Variants in FUT8 observed in about 807,000 individuals in gnomAD.
The protein encoded by FUT8 is alpha-(1,6)-fucosyltransferase.
A neutral mutation model predicts 71.3 loss-of-function variants in FUT8; 29 were observed. That is an observed-to-expected ratio of 0.41 (90% CI 0.30 to 0.55). FUT8 has a LOEUF of 0.55. Ranked by LOEUF, FUT8 falls within the 20% of genes least tolerant of loss-of-function variation. FUT8 has a pLI of 0.34. For synonymous variants in FUT8, 254 were observed against 239.3 expected (o/e 1.06, Z -0.57); for missense variants, 544 against 702.1 (o/e 0.77, Z 2.55).
At chr14:65,599,441 T>C (rs1888182815) in intron 3 of FUT8, among the ~76,000 whole-genome samples, 1 of 152,202 alleles carries the variant, frequency 6.6e-6, no homozygotes, top group Admixed American at 6.5e-5. Context: ...ATTGATTTAT[T>C]TCTTGGTTTG....
intron 7 of FUT8, among the ~76,000 whole-genome samples, chr14:65,705,411 T>G (rs1894509097): frequency 6.6e-6 from 1 of 152,236 alleles, no homozygotes; most frequent in Non-Finnish European, 1.5e-5. Flanking sequence ...CATTTCTGTG[T>G]TCATTTTAAA....
At chr14:65,629,430 T>G (rs1890060307) in intron 5 of FUT8, 62 bp from the exon 6 acceptor site, 1 of 1,009,786 alleles carries the variant, frequency 9.9e-7, no homozygotes, top group Non-Finnish European at 1.5e-6. Context: ...TTCTTAAGAC[T>G]TTGTGTAATC....
At chr14:65,547,085 C>T (rs909920482) in intron 2 of FUT8, among the ~76,000 whole-genome samples, 6 of 151,444 alleles carry the variant, frequency 4.0e-5, no homozygotes, top group Non-Finnish European at 7.4e-5. Flanking sequence ...GTGCCTCTTA[C>T]ATTCCTAATA....
intron 7 of FUT8, among the ~76,000 whole-genome samples, chr14:65,673,037 T>G (rs1892544184): frequency 6.6e-6 from 1 of 152,246 alleles, no homozygotes. Flanking sequence ...TAAACTGAAT[T>G]CTTAATATGA....
At chr14:65,658,088 C>T (rs1594869119) in intron 6 of FUT8, among the ~76,000 whole-genome samples, 1 of 152,136 alleles carries the variant, frequency 6.6e-6, no homozygotes, top group East Asian at 1.9e-4. Context: ...CATGTATAGA[C>T]AATGTATTAA....
At chr14:65,601,567 A>G (rs60554055) in intron 3 of FUT8, among the ~76,000 whole-genome samples, 21,640 of 152,124 alleles carry the variant, frequency 0.14, 2,049 homozygotes, top group East Asian at 0.42. Context: ...TTTTCTTATT[A>G]TCATGTGAAA....
chr14:65,736,879 A>G (rs907754230), intron 10 of FUT8, among the ~76,000 whole-genome samples: 1 of 152,106 alleles, frequency 6.6e-6, no homozygotes, highest in Admixed American at 6.6e-5. Context: ...ATTCTTTGAC[A>G]ATCTTTAAGT....
rs568453013 is a variant in FUT8, at chr14:65,511,287, GT to G, written c.-227-50041del. 1.7e-4 allele frequency among the ~76,000 whole-genome samples: 26 copies of G among 150,872 alleles called. No individual in the cohort carries two copies. In the East Asian group the frequency reaches 1.9e-3, roughly 11 times the overall value. On this transcript the variant is annotated intron_variant, in intron 2 of 10. Transcript: ENST00000673929. ...GGAGAAGATGTTTGACACTATGTGG[GT>G]TTTTTTTTCTTTAAATGTTTTAAGA...
chr14:65,522,603 A>G (rs1456101532), intron 2 of FUT8, among the ~76,000 whole-genome samples: 17 of 152,188 alleles, frequency 1.1e-4, no homozygotes. Context: ...TTTAAGTTCC[A>G]GGGTACATGT....
chr14:65,508,304 G>A (rs1882068685), intron 2 of FUT8, among the ~76,000 whole-genome samples: 1 of 151,368 alleles, frequency 6.6e-6, no homozygotes, highest in Non-Finnish European at 1.5e-5. Context: ...AAACTCCTGA[G>A]CTCAATCTGC....
chr14:65,367,650 T>C, the FUT8 span, among the ~76,000 whole-genome samples: 1 of 152,116 alleles, frequency 6.6e-6, no homozygotes, highest in Non-Finnish European at 1.5e-5. Context: ...CAAGAAGAAA[T>C]TTAACATGCA....
chr14:65,526,116 T>A (rs1215672020), intron 2 of FUT8, among the ~76,000 whole-genome samples: 4 of 152,192 alleles, frequency 2.6e-5, no homozygotes, highest in African/African-American at 9.7e-5. Context: ...CTGGATATCC[T>A]TGTTAACTTT....
chr14:65,611,882 A>C (rs1889019681), intron 3 of FUT8, among the ~76,000 whole-genome samples: 1 of 152,010 alleles, frequency 6.6e-6, no homozygotes, highest in African/African-American at 2.4e-5. Context: ...GCTGGTCTTG[A>C]ACTCCTGACC....
At chr14:65,379,363 C>T in the FUT8 span, among the ~76,000 whole-genome samples, 8 of 151,882 alleles carry the variant, frequency 5.3e-5, no homozygotes, top group Non-Finnish European at 8.8e-5. Context: ...AACCCTGTCT[C>T]TACTAAAAAT....
intron 9 of FUT8, among the ~76,000 whole-genome samples, chr14:65,727,301 T>C (rs11849249): frequency 0.1 from 15,403 of 152,130 alleles, 992 homozygotes; most frequent in African/African-American, 0.18. Context: ...AGCAGAGGTT[T>C]TCCATGACAG....
intron 2 of FUT8, among the ~76,000 whole-genome samples, chr14:65,538,920 C>CA (rs1320338469): frequency 1.3e-5 from 2 of 151,568 alleles, no homozygotes; most frequent in African/African-American, 4.8e-5. Flanking sequence ...GACTCTGTCT[C>CA]AAAAAACAAA....
At chr14:65,366,220 G>T in the FUT8 span, among the ~76,000 whole-genome samples, 1 of 152,164 alleles carries the variant, frequency 6.6e-6, no homozygotes, top group African/African-American at 2.4e-5. Flanking sequence ...GTAGCCGAAT[G>T]AGAAAATTTA....
Position 65,718,942 on chromosome 14 carries a change from G to A in FUT8, c.836-2833G>A, listed in dbSNP as rs939774374. On this transcript the variant is annotated intron_variant, in intron 7 of 10. Coordinates refer to ENST00000673929, the MANE Select transcript of FUT8 (RefSeq NM_001371533.1). ...TGGTTATTAAATGCCTTGAATGGTA[G>A]TCTTCTTTGGGTTAAATCTGGTTGA... 2.0e-5 allele frequency among the ~76,000 whole-genome samples: 3 copies of A among 152,084 alleles called. No individual in the cohort carries two copies. In the East Asian group the frequency reaches 5.8e-4, roughly 29 times the overall value.
At chr14:65,596,913 G>A (rs1888011452) in intron 3 of FUT8, among the ~76,000 whole-genome samples, 1 of 152,194 alleles carries the variant, frequency 6.6e-6, no homozygotes, top group African/African-American at 2.4e-5. Context: ...TTCGTAAGAG[G>A]AAGCTGTTAT....
Sources: allele counts gnomAD v4.1 joint callset (sites outside exome capture counted in the v4.1 genomes callset), GRCh38; gene constraint gnomAD v4.1.1; transcripts MANE v1.5; gene names NCBI Gene and HGNC (gene_info 2026-07-23, HGNC 2026-07-21).